ATG10: variants seen among roughly 807,000 people sequenced by gnomAD.
ATG10 encodes autophagy related 10.
In ATG10, 30 loss-of-function variants were observed where a neutral mutation model predicts 32.1. The ratio of observed to expected loss-of-function variants is 0.94; its 90% CI spans 0.70 to 1.27. The LOEUF is 1.27. ATG10 is among the 50% of genes most tolerant of loss of function. The pLI, the probability that ATG10 is intolerant of heterozygous loss-of-function variation, is 0.00. For missense variants in ATG10, 233 were observed against 262.3 expected (o/e 0.89, Z 0.77); for synonymous variants, 87 against 91.5 (o/e 0.95, Z 0.28).
At chr5:81,977,259 T>G (rs1019913086) in intron 1 of ATG10, among the ~76,000 whole-genome samples, 1 of 152,202 alleles carries the variant, frequency 6.6e-6, no homozygotes, top group African/African-American at 2.4e-5. Context: ...TCACAGATTT[T>G]AAAGGATACG....
intron 3 of ATG10, among the ~76,000 whole-genome samples, chr5:82,098,136 G>C (rs1199350434): frequency 1.3e-5 from 2 of 151,926 alleles, no homozygotes; most frequent in Non-Finnish European, 2.9e-5. Context: ...AAGGTGTTAG[G>C]TACTTTTAAT....
intron 5 of ATG10, among the ~76,000 whole-genome samples, chr5:82,230,053 C>T (rs1746293762): frequency 2.0e-5 from 3 of 152,190 alleles, no homozygotes; most frequent in Admixed American, 1.3e-4. Context: ...TTGCCCAACC[C>T]CATCCCGAGC....
At chr5:81,981,820 C>T (rs540880714) in intron 1 of ATG10, among the ~76,000 whole-genome samples, 1 of 152,176 alleles carries the variant, frequency 6.6e-6, no homozygotes, top group Non-Finnish European at 1.5e-5. Flanking sequence ...TTAAAAATCA[C>T]ATTAAACAGT....
At chr5:82,139,436 G>A (rs989332419) in intron 3 of ATG10, among the ~76,000 whole-genome samples, 1 of 144,282 alleles carries the variant, frequency 6.9e-6, no homozygotes, top group Non-Finnish European at 1.5e-5. Context: ...TAGGAAGTGA[G>A]GAGCGTCTCT....
intron 3 of ATG10, among the ~76,000 whole-genome samples, chr5:82,098,780 G>C (rs1050879769): frequency 4.6e-5 from 7 of 152,196 alleles, no homozygotes; most frequent in African/African-American, 1.7e-4. Flanking sequence ...GGAACAATGT[G>C]AGTTCACAAG....
chr5:82,063,099 G>A (rs1763834335), intron 3 of ATG10, among the ~76,000 whole-genome samples: 1 of 152,084 alleles, frequency 6.6e-6, no homozygotes, highest in African/African-American at 2.4e-5. Flanking sequence ...GGGGAGGATT[G>A]CTTGAGGCCA....
intron 3 of ATG10, among the ~76,000 whole-genome samples, chr5:82,106,903 C>T (rs769603880): frequency 1.4e-4 from 21 of 151,794 alleles, no homozygotes; most frequent in Non-Finnish European, 2.6e-4. Context: ...TCCGTGGGAC[C>T]CTTCTCCAAC....
At chr5:82,218,209 T>A (rs150223543) in intron 5 of ATG10, among the ~76,000 whole-genome samples, 46 of 152,304 alleles carry the variant, frequency 3.0e-4, no homozygotes, top group African/African-American at 9.9e-4. Context: ...CTACTAGTGA[T>A]AACAACAAGT....
intron 2 of ATG10, among the ~76,000 whole-genome samples, chr5:82,056,791 GGA>G (rs1187131048): frequency 6.6e-6 from 1 of 152,188 alleles, no homozygotes; most frequent in Non-Finnish European, 1.5e-5. Flanking sequence ...GTTCCTTAGA[GGA>G]GCAATGACTA....
At chr5:82,226,217 G>C (rs1746124920) in intron 5 of ATG10, among the ~76,000 whole-genome samples, 1 of 152,182 alleles carries the variant, frequency 6.6e-6, no homozygotes, top group African/African-American at 2.4e-5. Context: ...AATTACCACA[G>C]TTATAAATGC....
intron 3 of ATG10, among the ~76,000 whole-genome samples, chr5:82,076,068 G>GAT (rs1290378988): frequency 6.6e-6 from 1 of 152,128 alleles, no homozygotes; most frequent in Non-Finnish European, 1.5e-5. Flanking sequence ...CATACTGAAT[G>GAT]ATACTCCATT....
chr5:82,159,151 G>A (rs1405690033), intron 3 of ATG10, among the ~76,000 whole-genome samples: 2 of 152,132 alleles, frequency 1.3e-5, no homozygotes, highest in African/African-American at 4.8e-5. Flanking sequence ...CAGTAGATCT[G>A]AAGACCCAGA....
rs538187242 is a variant in ATG10, at chr5:82,070,483, A to G, written c.216+11881A>G. 5.9e-5 allele frequency among the ~76,000 whole-genome samples: 9 copies of G among 152,266 alleles called. No homozygotes were observed. In the South Asian group the frequency reaches 1.5e-3, roughly 25 times the overall value. On this transcript the variant is annotated intron_variant, in intron 3 of 7. Coordinates refer to ENST00000282185, the MANE Select transcript of ATG10 (RefSeq NM_031482.5). ...ATGAAAAAGAAGGGGAAAAATATCA[A>G]TGTAACAATTATCTTAAACTCTGAA... is the stretch of plus-strand genomic sequence containing the variant.
chr5:82,057,265 A>G (rs1763634409), intron 2 of ATG10, among the ~76,000 whole-genome samples: 1 of 152,156 alleles, frequency 6.6e-6, no homozygotes, highest in Admixed American at 6.6e-5. Context: ...TTACTGTATT[A>G]GTTTCCTAGG....
intron 2 of ATG10, among the ~76,000 whole-genome samples, chr5:82,028,955 G>A (rs1009869515): frequency 6.6e-6 from 1 of 152,140 alleles, no homozygotes; most frequent in African/African-American, 2.4e-5. Flanking sequence ...GTTAGGCTGT[G>A]TCACTGAATA....
At chr5:82,145,356 G>T (rs1200787619) in intron 3 of ATG10, among the ~76,000 whole-genome samples, 2 of 151,238 alleles carry the variant, frequency 1.3e-5, no homozygotes, top group South Asian at 2.1e-4. Flanking sequence ...TCTTCTTTTG[G>T]ATTATTTTTT....
intron 5 of ATG10, among the ~76,000 whole-genome samples, chr5:82,191,709 T>C (rs1744668832): frequency 2.0e-5 from 3 of 152,148 alleles, no homozygotes; most frequent in African/African-American, 7.2e-5. Flanking sequence ...AACGGTATTG[T>C]ATTATTATTT....
chr5:82,223,955 A>G (rs1036860726), intron 5 of ATG10, among the ~76,000 whole-genome samples: 1 of 152,186 alleles, frequency 6.6e-6, no homozygotes, highest in African/African-American at 2.4e-5. Context: ...GTGACTAGAG[A>G]GCAAACCAGA....
chr5:82,113,938 T>C (rs1482913679), intron 3 of ATG10, among the ~76,000 whole-genome samples: 2 of 152,066 alleles, frequency 1.3e-5, no homozygotes, highest in African/African-American at 2.4e-5. Context: ...TTTTGTACTT[T>C]GATTTTGTTT....
Sources: allele counts gnomAD v4.1 joint callset (sites outside exome capture counted in the v4.1 genomes callset), GRCh38; gene constraint gnomAD v4.1.1; transcripts MANE v1.5; gene names NCBI Gene and HGNC (gene_info 2026-07-23, HGNC 2026-07-21).